The following STK24 variants were observed in gnomAD, a reference collection of about 807,000 sequenced individuals.
The protein encoded by STK24 is serine/threonine kinase 24.
Under a neutral mutation model 55.6 loss-of-function variants are expected in STK24, and 21 were observed. That is an observed-to-expected ratio of 0.38 (90% CI 0.27 to 0.54). STK24 has a LOEUF of 0.54. STK24 is among the 20% of genes least tolerant of loss of function. STK24 has a pLI of 0.79. For missense variants in STK24, 383 were observed against 538.4 expected, an observed-to-expected ratio of 0.71 and a Z score of 2.86; for synonymous variants, 200 against 215.2, an observed-to-expected ratio of 0.93 and a Z score of 0.62.
At chr13:98,464,845 T>C (rs986495534) in intron 6 of STK24, among the ~76,000 whole-genome samples, 6 of 152,110 alleles carry the variant, frequency 3.9e-5, no homozygotes, top group African/African-American at 9.7e-5. Flanking sequence ...AACCATATAA[T>C]AGAAATGTCA....
chr13:98,448,322 C>T lies in STK24; in HGVS notation c.*4851G>A, dbSNP rs201631657. 4.1e-5 allele frequency: 66 copies of T among 1,605,456 alleles called. No homozygotes were observed. In the East Asian group the frequency reaches 4.9e-4, roughly 12 times the overall value. On this transcript the variant is annotated 3_prime_UTR_variant, in exon 11 of 11. Coordinates refer to ENST00000539966, the MANE Select transcript of STK24 (RefSeq NM_001032296.4). ...AAAGAGTCTCTTGTGTATTGATGGC[C>T]GGACACACTCGTTTCCGCAGTGGCT...
chr13:98,525,042 T>G (rs1896383616), intron 1 of STK24, among the ~76,000 whole-genome samples: 1 of 152,230 alleles, frequency 6.6e-6, no homozygotes, highest in Non-Finnish European at 1.5e-5. Context: ...AAAGCAGGGT[T>G]CCCTGCGCGG....
At chr13:98,515,650 C>G (rs1896032250) in intron 2 of STK24, among the ~76,000 whole-genome samples, 1 of 152,174 alleles carries the variant, frequency 6.6e-6, no homozygotes, top group South Asian at 2.1e-4. Flanking sequence ...AAAATTAACA[C>G]CACTCACCAG....
intron 1 of STK24, among the ~76,000 whole-genome samples, chr13:98,529,654 C>A (rs192822086): frequency 6.6e-6 from 1 of 152,084 alleles, no homozygotes. Flanking sequence ...GAGAATAGAT[C>A]CTTGGTTGCT....
chr13:98,536,832 C>T lies in STK24; in HGVS notation c.43-17359G>A, dbSNP rs1420612887. Reference sequence around the variant, plus strand: ...TACCCTGCCAGCCACCACACTCCTCCGCCTGTCCTCCAGCTGTCCGGCTGC... The same window carrying T: ...TACCCTGCCAGCCACCACACTCCTCTGCCTGTCCTCCAGCTGTCCGGCTGC... On this transcript the variant is annotated intron_variant, in intron 1 of 10. Transcript: ENST00000539966. Among the ~76,000 whole-genome samples, 4 of 152,058 alleles carry T rather than the reference C, an allele frequency of 2.6e-5. No individual in the cohort carries two copies. In the South Asian group the frequency reaches 6.2e-4, roughly 24 times the overall value.
At chr13:98,556,083 T>A (rs1338249260) in intron 1 of STK24, among the ~76,000 whole-genome samples, 3 of 152,170 alleles carry the variant, frequency 2.0e-5, no homozygotes, top group South Asian at 2.1e-4. Flanking sequence ...GGTCCCATAC[T>A]CAGGACCCAC....
At chr13:98,517,655 A>G (rs1896114221) in intron 2 of STK24, among the ~76,000 whole-genome samples, 1 of 152,134 alleles carries the variant, frequency 6.6e-6, no homozygotes, top group South Asian at 2.1e-4. Flanking sequence ...TTTAACATCA[A>G]GATGCTGGCA....
At chr13:98,497,830 A>C (rs72655622) in intron 2 of STK24, among the ~76,000 whole-genome samples, 9,963 of 152,246 alleles carry the variant, frequency 0.065, 404 homozygotes, top group South Asian at 0.12. Context: ...AACAGGGTAC[A>C]GCGTCCTGGG....
intron 3 of STK24, among the ~76,000 whole-genome samples, chr13:98,478,021 G>T (rs1401270574): frequency 1.3e-5 from 2 of 152,168 alleles, no homozygotes; most frequent in Non-Finnish European, 2.9e-5. Context: ...GGGAGAAAAA[G>T]AGATAAAACT....
At chr13:98,543,756 G>A (rs570481875) in intron 1 of STK24, among the ~76,000 whole-genome samples, 29 of 152,174 alleles carry the variant, frequency 1.9e-4, no homozygotes, top group Non-Finnish European at 3.7e-4. Flanking sequence ...GCCGCCCCGA[G>A]GGTGAAGCCT....
chr13:98,482,717 G>A (rs1476939291), intron 2 of STK24, among the ~76,000 whole-genome samples: 1 of 152,220 alleles, frequency 6.6e-6, no homozygotes, highest in Non-Finnish European at 1.5e-5. Flanking sequence ...CATCGGGAGA[G>A]CAGTGCCAAG....
At chr13:98,508,059 C>G (rs755966829) in intron 2 of STK24, among the ~76,000 whole-genome samples, 25 of 152,164 alleles carry the variant, frequency 1.6e-4, no homozygotes, top group Admixed American at 1.0e-3. Context: ...TAAAGAAACA[C>G]GTAGCCTGCA....
rs1893541691 is a variant in STK24 at position 98,458,081 on chromosome 13, G to C, written c.1123-777C>G. The stretch of plus-strand genomic sequence containing the variant: ...AACTGCCTTTGTGATCCAGAGTAGA[G>C]TCAAAATATTTGATTTCATGTAAAT... On this transcript the variant is annotated intron_variant, in intron 9 of 10. Coordinates refer to ENST00000539966, the MANE Select transcript of STK24 (RefSeq NM_001032296.4). Among the ~76,000 whole-genome samples, 7 of 152,230 alleles carry C rather than the reference G, an allele frequency of 4.6e-5. No individual in the cohort carries two copies. The South Asian group carries it at 1.4e-3, about 32-fold the overall frequency.
At chr13:98,480,355 C>T (rs543031959) in intron 3 of STK24, among the ~76,000 whole-genome samples, 5 of 152,266 alleles carry the variant, frequency 3.3e-5, no homozygotes, top group South Asian at 4.2e-4. Context: ...TAAACAACTT[C>T]GTATATGCTA....
At chr13:98,472,673 T>C (rs1189388310) in intron 5 of STK24, among the ~76,000 whole-genome samples, 4 of 152,356 alleles carry the variant, frequency 2.6e-5, no homozygotes, top group South Asian at 4.1e-4. Flanking sequence ...TTAATAAGTT[T>C]GTAATACAAC....
intron 2 of STK24, among the ~76,000 whole-genome samples, chr13:98,486,453 T>C (rs746914048): frequency 6.6e-6 from 1 of 152,098 alleles, no homozygotes; most frequent in Non-Finnish European, 1.5e-5. Flanking sequence ...ACGGATAAGC[T>C]TGGGAAAGCA....
chr13:98,531,328 T>C (rs188007054), intron 1 of STK24, among the ~76,000 whole-genome samples: 3 of 152,302 alleles, frequency 2.0e-5, no homozygotes, highest in African/African-American at 7.2e-5. Flanking sequence ...ATGGAAAGTT[T>C]ATAAACCAAA....
At chr13:98,494,872 G>A (rs1895186875) in intron 2 of STK24, among the ~76,000 whole-genome samples, 1 of 152,188 alleles carries the variant, frequency 6.6e-6, no homozygotes, top group Non-Finnish European at 1.5e-5. Context: ...CCCAGCTAAA[G>A]GCCCAGGAGA....
chr13:98,501,224 T>C (rs529014923), intron 2 of STK24, among the ~76,000 whole-genome samples: 2 of 152,306 alleles, frequency 1.3e-5, no homozygotes, highest in East Asian at 3.9e-4. Context: ...GTCACAGAAG[T>C]GGCCTGTGGA....
Sources: gnomAD v4.1 joint callset for allele counts (sites outside exome capture counted in the v4.1 genomes callset) on GRCh38, gnomAD v4.1.1 for gene constraint, MANE v1.5 for transcripts, NCBI Gene and HGNC (gene_info 2026-07-23, HGNC 2026-07-21) for gene names.